The following PAFAH2 variants were observed in gnomAD, a reference collection of about 807,000 sequenced individuals.
PAFAH2 encodes platelet-activating factor acetylhydrolase 2, cytoplasmic.
A neutral mutation model predicts 49.0 loss-of-function variants in PAFAH2; 42 were observed. The ratio of observed to expected loss-of-function variants is 0.86; its 90% CI spans 0.67 to 1.11. The LOEUF (loss-of-function observed/expected upper bound fraction) is 1.11. PAFAH2 is among the 50% of genes least tolerant of loss of function. The probability of loss-of-function intolerance (pLI) is 0.00; values close to 1 mark genes in which losing one functional copy is unlikely to be tolerated. For synonymous variants in PAFAH2, 184 were observed against 181.3 expected, an observed-to-expected ratio of 1.01 and a Z score of -0.12; for missense variants, 503 against 501.8, an observed-to-expected ratio of 1.00 and a Z score of -0.02.
intron 1 of PAFAH2, among the ~76,000 whole-genome samples, chr1:25,995,524 T>C (rs1463486447): frequency 6.6e-6 from 1 of 152,226 alleles, no homozygotes; most frequent in Admixed American, 6.5e-5. Flanking sequence ...ATTAGAAATG[T>C]CTCTGGATGA....
intron 10 of PAFAH2, among the ~76,000 whole-genome samples, chr1:25,963,964 C>T (rs923170324): frequency 2.6e-5 from 4 of 152,120 alleles, no homozygotes; most frequent in Non-Finnish European, 4.4e-5. Flanking sequence ...GCGTGCCTGG[C>T]GCGTTCGAGG....
At position 25,962,041 on chromosome 1, in the gene PAFAH2, C is replaced by T; in HGVS notation, c.1127G>A (p.Gly376Asp). 3 of 1,613,934 alleles carry T rather than the reference C, an allele frequency of 1.9e-6. No homozygotes were observed. Among genetic ancestry groups the T allele is most frequent in the Non-Finnish European group, 2.5e-6 (3 of 1,179,970 alleles). ...CCCTGGGGTGAGCGACGGTCCAATGCCTTCAATAAGGTTGTTCCATTGATT... is the reference window on the plus strand; with the variant it reads ...CCCTGGGGTGAGCGACGGTCCAATGTCTTCAATAAGGTTGTTCCATTGATT... ...DYNQWNNLIEGIGPSLTPGAP... is the reference protein window; with the variant it reads ...DYNQWNNLIEDIGPSLTPGAP... The change falls in exon 11 of 11, where the codon GGC becomes GAC. Residue 376 changes from glycine (G) to aspartate (D), a missense_variant. By Grantham distance (94) the Gly-to-Asp change is moderately conservative. Transcript: ENST00000374282.
chr1:25,986,282 G>A (rs571428550), intron 4 of PAFAH2, among the ~76,000 whole-genome samples: 4 of 152,164 alleles, frequency 2.6e-5, no homozygotes, highest in Non-Finnish European at 5.9e-5. Context: ...AGGAAAAGAC[G>A]GAGAGGGGCA....
At chr1:25,979,186 G>A (rs1345317444) in intron 7 of PAFAH2, among the ~76,000 whole-genome samples, 2 of 152,200 alleles carry the variant, frequency 1.3e-5, no homozygotes, top group Non-Finnish European at 2.9e-5. Flanking sequence ...AACAGAGTGA[G>A]TAATCAATTT....
intron 1 of PAFAH2, among the ~76,000 whole-genome samples, chr1:25,991,776 C>T (rs991631726): frequency 3.3e-5 from 5 of 151,878 alleles, no homozygotes; most frequent in Non-Finnish European, 7.4e-5. Flanking sequence ...ACCTATAGTC[C>T]CAGCTACTCA....
At chr1:25,984,308 A>G (rs921751084) in intron 5 of PAFAH2, 152 bp downstream of exon 5, 19 of 744,516 alleles carry the variant, frequency 2.6e-5, no homozygotes, top group Non-Finnish European at 3.8e-5. Flanking sequence ...GAAATTATTT[A>G]ACATCTTTAA....
In PAFAH2 at chr1:25,961,913, A is replaced by G. The variant is rs894996775; in HGVS notation, c.*76T>C. The G allele has an allele frequency of 2.4e-5, 24 of 1,001,768 alleles. No homozygotes were observed. The East Asian group carries it at 2.9e-4, about 12-fold the overall frequency. 62.1% of individuals were successfully genotyped at this position (1,001,768 alleles called of 1,614,324 possible). ...GGGGTCACGTTGATCACTTCTTGAT[A>G]GGAGCTCATGGGTGCCCTTGGGTAG... On this transcript the variant is annotated 3_prime_UTR_variant, in exon 11 of 11. Coordinates refer to ENST00000374282, the MANE Select transcript of PAFAH2 (RefSeq NM_000437.4).
intron 10 of PAFAH2, among the ~76,000 whole-genome samples, chr1:25,965,817 CAAAAAAAAAA>C (rs56272061): frequency 5.8e-5 from 1 of 17,362 alleles, no homozygotes; most frequent in Non-Finnish European, 9.1e-5. Flanking sequence ...GACTTTGTCT[CAAAAAAAAAA>C]AAAAAAAAAA....
intron 1 of PAFAH2, among the ~76,000 whole-genome samples, chr1:25,991,552 G>T (rs553265466): frequency 6.7e-6 from 1 of 148,298 alleles, no homozygotes; most frequent in Non-Finnish European, 1.5e-5. Context: ...AAAGTGCTGG[G>T]ATTACAGGCG....
intron 7 of PAFAH2, among the ~76,000 whole-genome samples, chr1:25,977,161 T>C (rs1375876340): frequency 6.6e-6 from 1 of 150,800 alleles, no homozygotes; most frequent in Non-Finnish European, 1.5e-5. Context: ...TAGCTGGGAC[T>C]ACAGGCGCCC....
chr1:25,994,845 C>T (rs140316483), intron 1 of PAFAH2, among the ~76,000 whole-genome samples: 2 of 152,258 alleles, frequency 1.3e-5, no homozygotes, highest in East Asian at 3.9e-4. Flanking sequence ...TGGAAAGTTT[C>T]TGGGAAGATC....
intron 10 of PAFAH2, among the ~76,000 whole-genome samples, chr1:25,962,295 A>G (rs973050733): frequency 9.9e-5 from 15 of 152,208 alleles, no homozygotes; most frequent in African/African-American, 3.1e-4. Flanking sequence ...TAACAATTCA[A>G]TAACGATAAT....
At chr1:25,991,676 T>C (rs982239232) in intron 1 of PAFAH2, among the ~76,000 whole-genome samples, 1 of 148,170 alleles carries the variant, frequency 6.7e-6, no homozygotes, top group Non-Finnish European at 1.5e-5. Flanking sequence ...GCAGATCACC[T>C]GAGGTCAGGA....
chr1:25,971,083 T>G (rs186044064), intron 10 of PAFAH2, among the ~76,000 whole-genome samples: 1 of 152,234 alleles, frequency 6.6e-6, no homozygotes, highest in East Asian at 1.9e-4. Flanking sequence ...CGTCTGAGGC[T>G]TCTATGGGTA....
At chr1:25,962,124 G>C in intron 10 of PAFAH2, 41 bp from the exon 11 acceptor site, 1 of 1,532,232 alleles carries the variant, frequency 6.5e-7, no homozygotes, top group Non-Finnish European at 9.0e-7. Flanking sequence ...AAATCATTGT[G>C]AGGTTTGGTC....
In PAFAH2 at chr1:25,974,524, C is replaced by T. The variant is rs1211058577; in HGVS notation, c.885G>A (p.Lys295=). Residue 295 remains lysine (K), a synonymous_variant, in exon 9 of 11, where the codon AAG becomes AAA. Coordinates refer to ENST00000374282, the MANE Select transcript of PAFAH2 (RefSeq NM_000437.4). ...FQTMESVNLM[K]KICAQHEQSR... ...ACTGTTCATGCTGGGCACATATCTTCTTCATCAAATTGACACTCTCCATTG... is the reference window on the plus strand; with the variant it reads ...ACTGTTCATGCTGGGCACATATCTTTTTCATCAAATTGACACTCTCCATTG... 1.2e-6 allele frequency: 2 copies of T among 1,614,074 alleles called. No individual in the cohort carries two copies. Among genetic ancestry groups the T allele is most frequent in the East Asian group, 4.5e-5 (2 of 44,882 alleles).
chr1:25,961,967 CTT>C lies in PAFAH2; in HGVS notation c.*20_*21del. The C allele has an allele frequency of 6.2e-7, 1 of 1,603,550 alleles. No individual in the cohort carries two copies. Among genetic ancestry groups the C allele is most frequent in the Non-Finnish European group, 8.5e-7 (1 of 1,171,460 alleles). On this transcript the variant is annotated 3_prime_UTR_variant, in exon 11 of 11. Transcript: ENST00000374282. Reference sequence around the variant, plus strand: ...CCAAATGAAAACTTGGCTGAAGTGACTTTACAAATGGCCAGTTGTGCCTACAG... The same window carrying C: ...CCAAATGAAAACTTGGCTGAAGTGACTACAAATGGCCAGTTGTGCCTACAG...
intron 1 of PAFAH2, among the ~76,000 whole-genome samples, chr1:25,996,114 G>A (rs1014893841): frequency 2.0e-5 from 3 of 152,032 alleles, no homozygotes; most frequent in Non-Finnish European, 4.4e-5. Flanking sequence ...CCAGAACTTT[G>A]GGAGATCAAA....
At chr1:25,982,909 C>T (rs542268578) in intron 6 of PAFAH2, among the ~76,000 whole-genome samples, 21 of 152,276 alleles carry the variant, frequency 1.4e-4, no homozygotes, top group South Asian at 1.0e-3. Context: ...CCTTCCCACT[C>T]CCATTCTAAC....
Sources: gnomAD v4.1 joint callset for allele counts (sites outside exome capture counted in the v4.1 genomes callset) on GRCh38, gnomAD v4.1.1 for gene constraint, MANE v1.5 for transcripts, NCBI Gene and HGNC (gene_info 2026-07-23, HGNC 2026-07-21) for gene names.